The following PEAK1 variants were observed in gnomAD, a reference collection of about 807,000 sequenced individuals.
PEAK1 encodes the protein pseudopodium enriched atypical kinase 1.
A neutral mutation model predicts 124.7 loss-of-function variants in PEAK1; 54 were observed. The observed-to-expected ratio is 0.43, with a 90% confidence interval of 0.35 to 0.54. The LOEUF (loss-of-function observed/expected upper bound fraction) is 0.54, where lower values mean the gene tolerates loss of function less well. Among genes scored for constraint, PEAK1 ranks in the 20% least tolerant of loss-of-function variants. The pLI is 0.01. For synonymous variants in PEAK1, 719 were observed against 760.0 expected (o/e 0.95, Z 0.89); for missense variants, 2,046 against 2,134.5 (o/e 0.96, Z 0.82).
chr15:77,292,849 TG>T (rs1555469999), intron 2 of PEAK1, among the ~76,000 whole-genome samples: 3 of 152,180 alleles, frequency 2.0e-5, no homozygotes, highest in Non-Finnish European at 2.9e-5. Flanking sequence ...TTGTGACATA[TG>T]ACATACGTAG....
intron 1 of PEAK1, among the ~76,000 whole-genome samples, chr15:77,391,369 T>A (rs191995754): frequency 6.6e-6 from 1 of 150,694 alleles, no homozygotes; most frequent in East Asian, 2.0e-4. Flanking sequence ...AGAATACCTC[T>A]GTGAACAAGA....
rs1405797503 is a variant in PEAK1 at position 77,284,629 on chromosome 15, T to C, written c.-423+329A>G. 2.0e-5 allele frequency among the ~76,000 whole-genome samples: 3 copies of C among 152,158 alleles called. No individual in the cohort carries two copies. In the East Asian group the frequency reaches 5.8e-4, roughly 29 times the overall value. Reference sequence around the variant, plus strand: ...GGTTACAATGAAAAGCTTGTTAAGATGGAAATATTATTTTGGTGAGGCGAT... The same window carrying C: ...GGTTACAATGAAAAGCTTGTTAAGACGGAAATATTATTTTGGTGAGGCGAT... On this transcript the variant is annotated intron_variant, in intron 4 of 9. Coordinates refer to ENST00000682557, the MANE Select transcript of PEAK1 (RefSeq NM_001385026.1).
chr15:77,173,279 C>G (rs1427681572), intron 7 of PEAK1, among the ~76,000 whole-genome samples: 1 of 151,956 alleles, frequency 6.6e-6, no homozygotes, highest in East Asian at 1.9e-4. Flanking sequence ...TTACATGGAC[C>G]ATACTTTAAG....
intron 5 of PEAK1, 79 bp from the exon 6 acceptor site, chr15:77,252,605 C>G (rs779930598): frequency 3.9e-5 from 29 of 743,384 alleles, no homozygotes; most frequent in Non-Finnish European, 4.6e-5. Context: ...TTAGATATTC[C>G]TAATATCACC....
At position 77,158,636 on chromosome 15, in the gene PEAK1, C is replaced by T; in HGVS notation, c.3198G>A (p.Gly1066=). The change falls in exon 8 of 10, where the codon GGG becomes GGA. Residue 1066 remains glycine, a synonymous_variant. Transcript: ENST00000682557. ...AAGTGCAGCCCCTGCCATCTTGCTTCCCAACAACAGTTCTTGGATCCCGAG... is the reference window on the plus strand; with the variant it reads ...AAGTGCAGCCCCTGCCATCTTGCTTTCCAACAACAGTTCTTGGATCCCGAG... The part of the protein sequence containing the change: ...FSPRDPRTVV[G]KQDGRGCTSV... 2 of 1,614,132 alleles carry T rather than the reference C, an allele frequency of 1.2e-6. No homozygotes were observed. Among genetic ancestry groups the T allele is most frequent in the Non-Finnish European group, 1.7e-6 (2 of 1,179,994 alleles).
chr15:77,202,776 A>C (rs948510673), intron 6 of PEAK1, among the ~76,000 whole-genome samples: 1 of 151,472 alleles, frequency 6.6e-6, no homozygotes, highest in Non-Finnish European at 1.5e-5. Context: ...CTCAAAAAAA[A>C]AAAATGAAAA....
intron 1 of PEAK1, among the ~76,000 whole-genome samples, chr15:77,396,242 C>T (rs78068345): frequency 0.015 from 2,260 of 151,930 alleles, 57 homozygotes; most frequent in African/African-American, 0.051. Flanking sequence ...ATAGTAGCCT[C>T]AAACTAGAAA....
Position 77,284,047 on chromosome 15 carries a change from T to C in PEAK1, c.-422-17A>G, listed in dbSNP as rs1002802023. 1.0e-6 allele frequency: 1 copy of C among 984,980 alleles called. No homozygotes were observed. The highest frequency in any genetic ancestry group is 1.7e-5 in the African/African-American group (1 of 57,232). 61.0% of individuals were successfully genotyped at this position (984,980 alleles called of 1,614,324 possible). ...TTAGTCTCACTAAAGCAAGAAAACA[T>C]GATAAACTTGGTTGAGAGTCACAGA... is the stretch of plus-strand genomic sequence containing the variant. On this transcript the variant is annotated splice_polypyrimidine_tract_variant and intron_variant, in intron 4 of 9. Transcript: ENST00000682557.
Position 77,114,113 on chromosome 15 carries a change from T to G in PEAK1, c.*43A>C, listed in dbSNP as rs2051142945. 6.3e-7 allele frequency: 1 copy of G among 1,583,010 alleles called. No individual in the cohort carries two copies. The highest frequency in any genetic ancestry group is 8.6e-7 in the Non-Finnish European group (1 of 1,157,812). On this transcript the variant is annotated 3_prime_UTR_variant, in exon 10 of 10. Transcript: ENST00000682557. ...AGGGAGGGGAAGTGCATGGGTGACA[T>G]GAAGAAGGTGAAGATGTAGTAAAAG...
At chr15:77,325,523 T>G (rs555132180) in intron 2 of PEAK1, among the ~76,000 whole-genome samples, 85 of 152,254 alleles carry the variant, frequency 5.6e-4, no homozygotes, top group African/African-American at 1.9e-3. Context: ...TCAAGCGCTT[T>G]TATATAGAGA....
chr15:77,371,769 T>C (rs768039682), intron 1 of PEAK1, among the ~76,000 whole-genome samples: 3 of 152,162 alleles, frequency 2.0e-5, no homozygotes, highest in Non-Finnish European at 2.9e-5. Flanking sequence ...ACACCTGTAA[T>C]TGCAGCTACT....
At chr15:77,222,036 GAATT>G (rs2059413732) in intron 6 of PEAK1, among the ~76,000 whole-genome samples, 1 of 152,078 alleles carries the variant, frequency 6.6e-6, no homozygotes, top group East Asian at 1.9e-4. Flanking sequence ...GGATGGAATG[GAATT>G]AATTCTTTTT....
chr15:77,133,804 A>T lies in PEAK1; in HGVS notation c.3332-54T>A. ...AAAGAGTAAGTAAAGTTTTCAATCT[A>T]ATTTTATAACTGAAACTTGAGCAGA... is the stretch of plus-strand genomic sequence containing the variant. On this transcript the variant is annotated intron_variant, in intron 8 of 9. Transcript: ENST00000682557. This position sits in a 1 kb window ranked among gnomAD's most constrained non-coding sequence, Gnocchi z 4.2. The T allele has an allele frequency of 6.7e-7, 1 of 1,490,054 alleles. No homozygotes were observed. The highest frequency in any genetic ancestry group is 1.4e-5 in the South Asian group (1 of 70,518). 92.3% of individuals were successfully genotyped at this position (1,490,054 alleles called of 1,614,324 possible). A position where few individuals can be genotyped will look rare whatever the true frequency, so the allele number is the denominator to read the frequency against.
rs779586998 is a variant in PEAK1 at position 77,179,178 on chromosome 15, C to T, written c.2749G>A (p.Ala917Thr). The T allele has an allele frequency of 1.9e-6, 3 of 1,614,058 alleles. No homozygotes were observed. The African/African-American group carries it at 4.0e-5, about 22-fold the overall frequency. The change falls in exon 7 of 10, where the codon GCA (alanine) becomes ACA (threonine). Residue 917 changes from alanine to threonine, a missense_variant. Ala to Thr is a moderately conservative substitution (Grantham distance 58, BLOSUM62 0). Coordinates refer to ENST00000682557, the MANE Select transcript of PEAK1 (RefSeq NM_001385026.1). ...CAGCGCTTAGGTTTTGCATCAGCTG[C>T]CCGCCTGCTGCCTTCAGAGTGCAAA... Reference protein sequence around the residue: ...SVLHSEGSRRAADAKPKRWIS... With the variant: ...SVLHSEGSRRTADAKPKRWIS...
chr15:77,398,083 AAAAT>A (rs1412534094), intron 1 of PEAK1, among the ~76,000 whole-genome samples: 1 of 152,160 alleles, frequency 6.6e-6, no homozygotes, highest in Non-Finnish European at 1.5e-5. Flanking sequence ...TAAATAAAAT[AAAAT>A]AAATAATGAG....
chr15:77,348,316 A>T (rs969834055), intron 2 of PEAK1: 25 of 871,482 alleles, frequency 2.9e-5, no homozygotes, highest in Non-Finnish European at 3.4e-5. Context: ...CATGCCACCT[A>T]CTCTTACAAG....
intron 1 of PEAK1, among the ~76,000 whole-genome samples, chr15:77,391,201 C>G (rs187574721): frequency 6.6e-6 from 1 of 152,208 alleles, no homozygotes; most frequent in African/African-American, 2.4e-5. Context: ...ACAGTATCCA[C>G]ATAGTTTCAC....
At chr15:77,136,458 G>A (rs1369644395) in intron 8 of PEAK1, among the ~76,000 whole-genome samples, 1 of 152,124 alleles carries the variant, frequency 6.6e-6, no homozygotes, top group Non-Finnish European at 1.5e-5. Flanking sequence ...TTGAGGTCAG[G>A]AGTTTGAGAC....
chr15:77,362,878 C>G (rs1028201930), intron 2 of PEAK1, among the ~76,000 whole-genome samples: 1 of 152,018 alleles, frequency 6.6e-6, no homozygotes, highest in East Asian at 1.9e-4. Flanking sequence ...TTTTTTTAGA[C>G]GGAGTCTTAC....
Sources: gnomAD v4.1 joint callset for allele counts (sites outside exome capture counted in the v4.1 genomes callset) on GRCh38, gnomAD v4.1.1 for gene constraint, Gnocchi (gnomAD v3.1) non-coding constraint, MANE v1.5 for transcripts, NCBI Gene and HGNC (gene_info 2026-07-23, HGNC 2026-07-21) for gene names.